TENM1: variants seen among roughly 807,000 people sequenced by gnomAD.
TENM1 encodes the protein teneurin transmembrane protein 1.
A neutral mutation model predicts 174.8 loss-of-function variants in TENM1; 35 were observed. The observed-to-expected ratio is 0.20, with a 90% confidence interval of 0.15 to 0.27. The LOEUF (loss-of-function observed/expected upper bound fraction) is 0.27, where lower values mean the gene tolerates loss of function less well. TENM1 is among the 10% of genes least tolerant of loss of function. The pLI is 1.00. For synonymous variants in TENM1, 781 were observed against 798.7 expected (o/e 0.98, Z 0.37); for missense variants, 1,633 against 2,130.1 (o/e 0.77, Z 4.59).
chrX:124,972,283 C>A, the TENM1 span, among the ~76,000 whole-genome samples: 2 of 110,694 alleles, frequency 1.8e-5, no homozygotes, highest in African/African-American at 6.6e-5. Flanking sequence ...AGTATATTAA[C>A]CCTTTATGCA....
At chrX:124,918,354 ATTT>A (rs1224374244) in intron 1 of TENM1, among the ~76,000 whole-genome samples, 1 of 109,708 alleles carries the variant, frequency 9.1e-6, no homozygotes, top group Non-Finnish European at 1.9e-5. Context: ...TAATTTTTGT[ATTT>A]TTAATAGGGA....
At chrX:124,558,260 C>T (rs2048737016) in intron 14 of TENM1, among the ~76,000 whole-genome samples, 1 of 111,382 alleles carries the variant, frequency 9.0e-6, no homozygotes, top group Non-Finnish European at 1.9e-5. Flanking sequence ...AAAGTCAAAG[C>T]TTCAGGAAGT....
intron 23 of TENM1, among the ~76,000 whole-genome samples, chrX:124,426,302 A>C (rs891049628): frequency 1.8e-5 from 2 of 111,664 alleles, no homozygotes; most frequent in African/African-American, 6.5e-5. Flanking sequence ...TCATGGCCAA[A>C]ATAGTAACAG....
At chrX:124,872,995 T>C (rs1052382586) in intron 3 of TENM1, among the ~76,000 whole-genome samples, 2 of 111,526 alleles carry the variant, frequency 1.8e-5, no homozygotes, top group African/African-American at 3.2e-5. Context: ...AATATACACA[T>C]ACAAAGCTAC....
At chrX:125,142,630 T>G in the TENM1 span, among the ~76,000 whole-genome samples, 257 of 110,849 alleles carry the variant, frequency 2.3e-3, 2 homozygotes, top group African/African-American at 6.3e-3. Context: ...CATCTTTCCA[T>G]TAACACGGAC....
At chrX:124,557,075 T>G (rs1280637341) in intron 14 of TENM1, among the ~76,000 whole-genome samples, 1 of 111,503 alleles carries the variant, frequency 9.0e-6, no homozygotes, top group Non-Finnish European at 1.9e-5. Flanking sequence ...AAGGTAACAT[T>G]TGAGTGAAAC....
At chrX:125,130,334 T>C in the TENM1 span, among the ~76,000 whole-genome samples, 1 of 111,203 alleles carries the variant, frequency 9.0e-6, no homozygotes, top group African/African-American at 3.3e-5. Context: ...TAAAATATTA[T>C]ACTACTACTC....
At chrX:125,192,971 TTTCAG>T in the TENM1 span, among the ~76,000 whole-genome samples, 158 of 111,766 alleles carry the variant, frequency 1.4e-3, no homozygotes, top group Non-Finnish European at 2.3e-3. Context: ...TTGAGGTTTT[TTTCAG>T]TTATTTTTTT....
the TENM1 span, among the ~76,000 whole-genome samples, chrX:124,975,417 T>C: frequency 2.7e-5 from 3 of 112,179 alleles, no homozygotes; most frequent in Non-Finnish European, 5.6e-5. Flanking sequence ...AAAGTACTTA[T>C]GCAAAATGTA....
intron 22 of TENM1, among the ~76,000 whole-genome samples, chrX:124,472,347 A>T (rs2061343652): frequency 9.7e-6 from 1 of 102,729 alleles, no homozygotes; most frequent in Admixed American, 1.1e-4. Flanking sequence ...AAAAAAAAAA[A>T]AAAAAAAAAA....
intron 3 of TENM1, among the ~76,000 whole-genome samples, chrX:124,817,572 G>C (rs2055931150): frequency 9.0e-6 from 1 of 111,498 alleles, no homozygotes; most frequent in Non-Finnish European, 1.9e-5. Flanking sequence ...ATACTAAGTG[G>C]TTTTACCTCC....
chrX:125,112,830 T>A, the TENM1 span, among the ~76,000 whole-genome samples: 2 of 111,314 alleles, frequency 1.8e-5, no homozygotes, highest in Non-Finnish European at 3.8e-5. Flanking sequence ...AACGGAGTGA[T>A]ATCCCGTTTA....
intron 3 of TENM1, among the ~76,000 whole-genome samples, chrX:124,783,484 A>G (rs1031148672): frequency 2.7e-5 from 3 of 111,963 alleles, no homozygotes; most frequent in African/African-American, 9.7e-5. Context: ...AATAATTTTT[A>G]AAAAGAACTC....
exon 32 of TENM1, chrX:124,381,268 G>A (rs1173064328): frequency 8.3e-7 from 1 of 1,198,205 alleles, no homozygotes; most frequent in African/African-American, 1.8e-5. Flanking sequence ...GCTGTTTCTG[G>A]AGTTCACACT....
At chrX:124,469,037 A>G (rs767596339) in intron 22 of TENM1, among the ~76,000 whole-genome samples, 1 of 111,373 alleles carries the variant, frequency 9.0e-6, no homozygotes, top group Non-Finnish European at 1.9e-5. Flanking sequence ...TGTACTTGTG[A>G]CTGTCCATAC....
rs558934422 is a variant in TENM1 at position 124,849,403 on chromosome X, C to G, written c.535+44893G>C. Among the ~76,000 whole-genome samples, 6 of 109,130 alleles carry G rather than the reference C, an allele frequency of 5.5e-5. 1 individual carries two copies. The highest frequency in any genetic ancestry group is 2.1e-4 in the African/African-American group (6 of 28,958). 94.8% of individuals were successfully genotyped at this position (109,130 alleles called of 115,157 possible). ...CATTTTACTAGTATGTAGTAAAATT[C>G]TGCCTCTCTCTTTCTTTTTTTCTCT... On this transcript the variant is annotated intron_variant, in intron 3 of 31. Transcript: ENST00000422452.
At chrX:124,380,911 G>T in exon 32 of TENM1, 1 of 1,211,703 alleles carries the variant, frequency 8.3e-7, no homozygotes. Flanking sequence ...CAGTGACATT[G>T]ACACCATTCT....
intron 22 of TENM1, among the ~76,000 whole-genome samples, chrX:124,461,840 G>A (rs1288865929): frequency 1.8e-5 from 2 of 111,477 alleles, no homozygotes; most frequent in Non-Finnish European, 3.8e-5. Context: ...ATAATCCATT[G>A]TATATTTCAA....
In TENM1 at chrX:124,646,696, A is replaced by G; in HGVS notation, c.1681+13T>C. On this transcript the variant is annotated intron_variant, in intron 9 of 31. Coordinates refer to ENST00000422452, the Ensembl canonical transcript of TENM1. ...ATTTTCCTAAACCAATCAGAATAAC[A>G]GAGCAACATTACCTCTAGCACAGTC... 8.8e-7 allele frequency: 1 copy of G among 1,134,799 alleles called. No individual in the cohort carries two copies. The highest frequency in any genetic ancestry group is 1.2e-6 in the Non-Finnish European group (1 of 829,021). The allele number at this position is 1,134,799 out of a possible 1,213,427, so 93.5% of individuals were successfully genotyped here. A position where few individuals can be genotyped will look rare whatever the true frequency, so the allele number is the denominator to read the frequency against.
Sources: allele counts gnomAD v4.1 joint callset (sites outside exome capture counted in the v4.1 genomes callset), GRCh38; gene constraint gnomAD v4.1.1; transcripts MANE v1.5; gene names NCBI Gene and HGNC (gene_info 2026-07-23, HGNC 2026-07-21).